The following DDO variants were observed in gnomAD, a reference collection of about 807,000 sequenced individuals.
DDO encodes the protein D-aspartate oxidase, DDO.
DDO carries 16 observed loss-of-function variants against 16.8 expected under a neutral mutation model. The ratio of observed to expected loss-of-function variants is 0.95; its 90% CI spans 0.65 to 1.45. The LOEUF is 1.45. Among genes scored for constraint, DDO ranks in the 40% most tolerant of loss-of-function variants. The pLI is 0.00. For missense variants in DDO, 429 were observed against 420.3 expected (o/e 1.02, Z -0.18); for synonymous variants, 180 against 167.2 (o/e 1.08, Z -0.59).
At chr6:110,399,586 G>C (rs1051797927) in intron 4 of DDO, among the ~76,000 whole-genome samples, 3 of 152,032 alleles carry the variant, frequency 2.0e-5, no homozygotes, top group Non-Finnish European at 4.4e-5. Context: ...CCGGACTTGG[G>C]CTGAGAGGAG....
intron 2 of DDO, among the ~76,000 whole-genome samples, chr6:110,409,135 C>T (rs1015764476): frequency 1.3e-5 from 2 of 152,220 alleles, no homozygotes; most frequent in African/African-American, 4.8e-5. Context: ...ATCCCCCAGG[C>T]ACCTCTGCCA....
intron 2 of DDO, among the ~76,000 whole-genome samples, chr6:110,409,156 G>A (rs1397275402): frequency 6.6e-6 from 1 of 152,208 alleles, no homozygotes; most frequent in Non-Finnish European, 1.5e-5. Flanking sequence ...GAGCACATGG[G>A]GTTGGACCCA....
At chr6:110,393,449 G>A in intron 4 of DDO, 107 bp from the exon 5 acceptor site, 1 of 1,449,822 alleles carries the variant, frequency 6.9e-7, no homozygotes, top group Non-Finnish European at 9.0e-7. Flanking sequence ...ATGATCTGAT[G>A]AACAAACACC....
intron 2 of DDO, among the ~76,000 whole-genome samples, chr6:110,412,168 C>T (rs554223758): frequency 1.4e-4 from 21 of 151,988 alleles, no homozygotes; most frequent in Non-Finnish European, 3.1e-4. Context: ...ATCTCTTGAA[C>T]CCCAGAGGTG....
rs1773727110 is a variant in DDO at position 110,408,342 on chromosome 6, C to G, written c.273G>C (p.Leu91Phe). Residue 91 changes from leucine (L) to phenylalanine (F), a missense_variant, in exon 3 of 5, where the codon TTG (leucine) becomes TTC (phenylalanine). By Grantham distance (22) the Leu-to-Phe change is conservative (BLOSUM62 0). Coordinates refer to ENST00000368924, the MANE Select transcript of DDO (RefSeq NM_001372108.2). ...CAAATTTCTTCACTTACCCTGATAC[C>G]AAATGAACACCAGCATCTCCAGCTT... ...SAEAGDAGVH[L>F]VSGWQIFQST... The G allele has an allele frequency of 1.2e-6, 2 of 1,613,978 alleles. No homozygotes were observed. Among genetic ancestry groups the G allele is most frequent in the East Asian group, 2.2e-5 (1 of 44,878 alleles).
At chr6:110,400,002 C>T (rs187729065) in intron 4 of DDO, among the ~76,000 whole-genome samples, 3 of 152,332 alleles carry the variant, frequency 2.0e-5, no homozygotes, top group African/African-American at 7.2e-5. Flanking sequence ...CAGGCACCGC[C>T]CCCTCCGCCG....
chr6:110,413,810 G>A (rs1193580937), intron 1 of DDO, among the ~76,000 whole-genome samples: 2 of 151,884 alleles, frequency 1.3e-5, no homozygotes, highest in East Asian at 3.9e-4. Context: ...GTCTTGCTCT[G>A]TTGCCCAGCC....
chr6:110,408,381 A>G lies in DDO; in HGVS notation c.234T>C (p.Ile78=). The G allele has an allele frequency of 1.2e-6, 2 of 1,614,180 alleles. No homozygotes were observed. Among genetic ancestry groups the G allele is most frequent in the Non-Finnish European group, 1.7e-6 (2 of 1,180,022 alleles). Residue 78 remains isoleucine (I), a synonymous_variant, in exon 3 of 5, where the codon ATT becomes ATC. Transcript: ENST00000368924. ...CATCTCCAGCTTCTGCAGAATTGGC[A>G]ATTGCAAAGAGGTGATTAAAGGTTT... The part of the protein sequence containing the change: ...FRETFNHLFA[I]ANSAEAGDAG...
chr6:110,413,971 A>G (rs1231921371), intron 1 of DDO, among the ~76,000 whole-genome samples: 2 of 152,180 alleles, frequency 1.3e-5, no homozygotes, highest in Non-Finnish European at 2.9e-5. Context: ...ATAGGGTTTC[A>G]GCATGTTGGC....
At chr6:110,411,476 AAG>A (rs1773856049) in intron 2 of DDO, among the ~76,000 whole-genome samples, 1 of 152,244 alleles carries the variant, frequency 6.6e-6, no homozygotes, top group Non-Finnish European at 1.5e-5. Context: ...TCATAAAGAT[AAG>A]AGAGGACATT....
At chr6:110,414,015 G>T (rs766238403) in intron 1 of DDO, among the ~76,000 whole-genome samples, 1 of 151,990 alleles carries the variant, frequency 6.6e-6, no homozygotes, top group Non-Finnish European at 1.5e-5. Context: ...CTTGTGATCC[G>T]CCGGCCCCAG....
intron 1 of DDO, 53 bp downstream of exon 1, chr6:110,415,414 C>G: frequency 6.2e-7 from 1 of 1,608,088 alleles, no homozygotes; most frequent in Non-Finnish European, 8.5e-7. Context: ...CACTCCCAAA[C>G]TCCCAGAGCA....
At chr6:110,414,979 A>G (rs750484373) in intron 1 of DDO, among the ~76,000 whole-genome samples, 16 of 152,228 alleles carry the variant, frequency 1.1e-4, no homozygotes, top group Admixed American at 5.2e-4. Context: ...TTCTCGCACT[A>G]TGAGACTTTA....
intron 1 of DDO, among the ~76,000 whole-genome samples, chr6:110,414,993 C>T (rs1267253211): frequency 2.6e-5 from 4 of 152,378 alleles, no homozygotes; most frequent in Middle Eastern, 3.4e-3. Context: ...GACTTTAAAG[C>T]CCTCCAATGA....
intron 3 of DDO, among the ~76,000 whole-genome samples, chr6:110,406,091 C>A (rs1233178422): frequency 6.6e-6 from 1 of 152,092 alleles, no homozygotes; most frequent in Non-Finnish European, 1.5e-5. Flanking sequence ...GCTGGGCTAG[C>A]TTGCCCTCTT....
At chr6:110,400,684 A>C (rs952451131) in intron 4 of DDO, among the ~76,000 whole-genome samples, 14 of 152,250 alleles carry the variant, frequency 9.2e-5, no homozygotes, top group African/African-American at 2.7e-4. Flanking sequence ...TTTCACTTCT[A>C]GACTTTAGAG....
intron 4 of DDO, among the ~76,000 whole-genome samples, chr6:110,400,190 C>T (rs79135883): frequency 0.031 from 4,733 of 152,332 alleles, 93 homozygotes; most frequent in Non-Finnish European, 0.048. Flanking sequence ...GATGGAACTA[C>T]GGGGCCTGTC....
intron 2 of DDO, among the ~76,000 whole-genome samples, chr6:110,411,333 C>T (rs887302853): frequency 2.4e-4 from 37 of 151,886 alleles, no homozygotes; most frequent in African/African-American, 8.2e-4. Flanking sequence ...GAATACCACA[C>T]GGCCAAGAAA....
At chr6:110,408,590 G>A (rs1393294005) in intron 2 of DDO, 148 bp from the exon 3 acceptor site, 1 of 653,418 alleles carries the variant, frequency 1.5e-6, no homozygotes, top group Non-Finnish European at 2.6e-6. Context: ...AATATAAAGT[G>A]CCACATTGTG....
Sources: gnomAD v4.1 joint callset for allele counts (sites outside exome capture counted in the v4.1 genomes callset) on GRCh38, gnomAD v4.1.1 for gene constraint, MANE v1.5 for transcripts, NCBI Gene and HGNC (gene_info 2026-07-23, HGNC 2026-07-21) for gene names.